Variants in NUDT19 observed in about 807,000 individuals in gnomAD.
NUDT19 encodes acyl-coenzyme A diphosphatase NUDT19.
In NUDT19, 31 loss-of-function variants were observed where a neutral mutation model predicts 22.2. The observed-to-expected ratio is 1.40, with a 90% CI of 1.05 to 1.89. The LOEUF is 1.89. NUDT19 is among the 40% of genes most tolerant of loss of function. The pLI is 0.00. For synonymous variants in NUDT19, 325 were observed against 230.8 expected (o/e 1.41, Z -3.70); for missense variants, 752 against 514.2 (o/e 1.46, Z -4.47).
At chr19:32,694,083 A>G in intron 1 of NUDT19, among the ~76,000 whole-genome samples, 1 of 152,180 alleles carries the variant, frequency 6.6e-6, no homozygotes, top group South Asian at 2.1e-4. Context: ...CTGTAGTTTG[A>G]TGGCCTTGAT....
chr19:32,708,667 G>A (rs769385341), intron 1 of NUDT19, among the ~76,000 whole-genome samples: 2 of 152,062 alleles, frequency 1.3e-5, no homozygotes, highest in African/African-American at 4.8e-5. Context: ...ATGCTTCACC[G>A]CCGTTGTACC....
chr19:32,700,093 G>A (rs187697997), intron 1 of NUDT19, among the ~76,000 whole-genome samples: 17 of 152,362 alleles, frequency 1.1e-4, no homozygotes, highest in Admixed American at 1.3e-4. Context: ...GATTTATTGC[G>A]AAGAGCAAAA....
At chr19:32,698,153 C>T (rs1968287420) in intron 1 of NUDT19, among the ~76,000 whole-genome samples, 1 of 152,114 alleles carries the variant, frequency 6.6e-6, no homozygotes, top group South Asian at 2.1e-4. Context: ...GAAAAGAAAA[C>T]TTAGACATAA....
chr19:32,705,675 C>T (rs1464102076), intron 1 of NUDT19, among the ~76,000 whole-genome samples: 1 of 151,464 alleles, frequency 6.6e-6, no homozygotes, highest in Non-Finnish European at 1.5e-5. Flanking sequence ...ACCTCCTCCT[C>T]CCTGGTTCAG....
Position 32,692,575 on chromosome 19 carries a change from G to C in NUDT19, c.615G>C (p.Leu205Phe), listed in dbSNP as rs772019106. ...HNWSAWLTPF[L>F]RGTTRRFDTA... ...GGAGCGCCTGGCTCACCCCTTTCTT[G>C]CGGGGCACCACTCGCCGCTTTGACA... The change falls in exon 1 of 3, where the codon TTG (leucine) becomes TTC (phenylalanine). Residue 205 changes from leucine (L) to phenylalanine (F), a missense_variant. Transcript: ENST00000397061. 1.3e-6 allele frequency: 2 copies of C among 1,595,044 alleles called. No homozygotes were observed. Among genetic ancestry groups the C allele is most frequent in the South Asian group, 2.2e-5 (2 of 88,928 alleles).
chr19:32,694,425 T>G (rs537397261), intron 1 of NUDT19, among the ~76,000 whole-genome samples: 13 of 152,338 alleles, frequency 8.5e-5, no homozygotes, highest in African/African-American at 2.9e-4. Context: ...GTAGTTACTA[T>G]CCTTACTGAA....
At chr19:32,700,415 G>T (rs545109812) in intron 1 of NUDT19, among the ~76,000 whole-genome samples, 1 of 152,254 alleles carries the variant, frequency 6.6e-6, no homozygotes, top group African/African-American at 2.4e-5. Context: ...GTGCTGATTG[G>T]TGCATTTTTA....
intron 1 of NUDT19, among the ~76,000 whole-genome samples, chr19:32,696,049 C>T (rs1298679586): frequency 6.6e-6 from 1 of 152,158 alleles, no homozygotes; most frequent in African/African-American, 2.4e-5. Context: ...AACGGGACTT[C>T]TAAGAGATCC....
chr19:32,692,395 T>G lies in NUDT19; in HGVS notation c.435T>G (p.Thr145=), dbSNP rs752507862. 20 of 1,578,734 alleles carry G rather than the reference T, an allele frequency of 1.3e-5. No homozygotes were observed. The East Asian group carries it at 4.7e-4, about 37-fold the overall frequency. Residue 145 remains threonine, a synonymous_variant, in exon 1 of 3, where the codon ACT becomes ACG. Transcript: ENST00000397061. The part of the protein sequence containing the change: ...EAGVLLLRPR[T]SPPGPAPGPG... Reference sequence around the variant, plus strand: ...GCGTGCTGCTGCTGCGGCCCAGGACTTCCCCACCAGGCCCAGCACCCGGGC... The same window carrying G: ...GCGTGCTGCTGCTGCGGCCCAGGACGTCCCCACCAGGCCCAGCACCCGGGC...
At position 32,701,156 on chromosome 19, in the gene NUDT19, T is replaced by TA. The variant is rs1289502109; in HGVS notation, c.715-8024dup. Reference sequence around the variant, plus strand: ...ATTCTGCTATTTGTTGGTATTTTGGTAAAAATGTAAAATTAGGTTGAGTTG... The same window carrying TA: ...ATTCTGCTATTTGTTGGTATTTTGGTAAAAAATGTAAAATTAGGTTGAGTTG... On this transcript the variant is annotated intron_variant, in intron 1 of 2. Transcript: ENST00000397061. Among the ~76,000 whole-genome samples the TA allele has an allele frequency of 4.0e-5, 6 of 150,792 alleles. No homozygotes were observed. In the East Asian group the frequency reaches 9.8e-4, roughly 25 times the overall value.
At chr19:32,696,620 A>C (rs1968266543) in intron 1 of NUDT19, among the ~76,000 whole-genome samples, 1 of 152,232 alleles carries the variant, frequency 6.6e-6, no homozygotes, top group African/African-American at 2.4e-5. Flanking sequence ...TAATAGCTCC[A>C]GCTTTGGCTA....
intron 1 of NUDT19, among the ~76,000 whole-genome samples, chr19:32,707,755 G>A (rs1356921066): frequency 1.3e-5 from 2 of 152,064 alleles, no homozygotes; most frequent in Non-Finnish European, 2.9e-5. Context: ...GAGGCGGGTG[G>A]ATCACAAAGT....
chr19:32,708,237 C>G (rs1018030917), intron 1 of NUDT19, among the ~76,000 whole-genome samples: 2 of 150,302 alleles, frequency 1.3e-5, no homozygotes, highest in African/African-American at 4.9e-5. Flanking sequence ...ACCATCCTGG[C>G]TAACACAGTG....
chr19:32,692,012 A>G lies in NUDT19; in HGVS notation c.52A>G (p.Ile18Val). The G allele has an allele frequency of 8.0e-7, 1 of 1,250,432 alleles. No individual in the cohort carries two copies. The highest frequency in any genetic ancestry group is 1.0e-6 in the Non-Finnish European group (1 of 1,001,484). The allele number at this position is 1,250,432 out of a possible 1,614,324, so 77.5% of individuals were successfully genotyped here. A position where few individuals can be genotyped will look rare whatever the true frequency, so the allele number is the denominator to read the frequency against. ...GPSRWRRAASIVLAAGWSRPE... is the reference protein window; with the variant it reads ...GPSRWRRAASVVLAAGWSRPE... ...CAGCCGCTGGCGGCGGGCGGCCAGC[A>G]TCGTCCTGGCGGCTGGCTGGTCGCG... Residue 18 changes from isoleucine (I) to valine (V), a missense_variant, in exon 1 of 3, where the codon ATC (isoleucine) becomes GTC (valine). Physicochemically the swap from Ile to Val is conservative, Grantham distance 29. Coordinates refer to ENST00000397061, the MANE Select transcript of NUDT19 (RefSeq NM_001105570.2).
At chr19:32,693,376 T>G (rs984819688) in intron 1 of NUDT19, among the ~76,000 whole-genome samples, 8 of 152,198 alleles carry the variant, frequency 5.3e-5, no homozygotes, top group Admixed American at 5.2e-4. Context: ...GGGTTTGTGG[T>G]CTCGCTGGCT....
At position 32,692,055 on chromosome 19, in the gene NUDT19, C is replaced by T. The variant is rs1206438212; in HGVS notation, c.95C>T (p.Pro32Leu). The T allele has an allele frequency of 1.9e-5, 24 of 1,291,108 alleles. 1 individual carries two copies. In the South Asian group the frequency reaches 5.5e-4, roughly 30 times the overall value. The allele number at this position is 1,291,108 out of a possible 1,614,324, so 80.0% of individuals were successfully genotyped here. ...AGWSRPETATPPSRPPPAEGF... is the reference protein window; with the variant it reads ...AGWSRPETATLPSRPPPAEGF... Reference sequence around the variant, plus strand: ...TGGTCGCGCCCGGAGACCGCCACCCCGCCGTCGCGCCCGCCGCCGGCCGAG... The same window carrying T: ...TGGTCGCGCCCGGAGACCGCCACCCTGCCGTCGCGCCCGCCGCCGGCCGAG... The change falls in exon 1 of 3, where the codon CCG becomes CTG. Residue 32 changes from proline to leucine, a missense_variant. By Grantham distance (98) the Pro-to-Leu change is moderately conservative (BLOSUM62 -3). Coordinates refer to ENST00000397061, the MANE Select transcript of NUDT19 (RefSeq NM_001105570.2).
At chr19:32,698,031 A>G (rs898476155) in intron 1 of NUDT19, among the ~76,000 whole-genome samples, 1 of 152,152 alleles carries the variant, frequency 6.6e-6, no homozygotes, top group Non-Finnish European at 1.5e-5. Flanking sequence ...GAGGAGGATT[A>G]TCATTAATAG....
At chr19:32,698,364 A>G (rs1968290179) in intron 1 of NUDT19, among the ~76,000 whole-genome samples, 1 of 152,148 alleles carries the variant, frequency 6.6e-6, no homozygotes, top group Non-Finnish European at 1.5e-5. Flanking sequence ...GATGCATTTC[A>G]AGGGTGAGCC....
In NUDT19 at chr19:32,691,914, C is replaced by G. The variant is rs540402948; in HGVS notation, c.-47C>G. 4 of 1,116,360 alleles carry G rather than the reference C, an allele frequency of 3.6e-6. No individual in the cohort carries two copies. The highest frequency in any genetic ancestry group is 4.5e-6 in the Non-Finnish European group (4 of 888,466). The allele number at this position is 1,116,360 out of a possible 1,614,324, so 69.2% of individuals were successfully genotyped here. A position where few individuals can be genotyped will look rare whatever the true frequency, so the allele number is the denominator to read the frequency against. On this transcript the variant is annotated 5_prime_UTR_variant, in exon 1 of 3. Transcript: ENST00000397061. ...GTCCCTGCAGGGCCGGGCCACCTGCCGTGGAGCTCAGGCCGCGCCAGAATC... is the reference window on the plus strand; with the variant it reads ...GTCCCTGCAGGGCCGGGCCACCTGCGGTGGAGCTCAGGCCGCGCCAGAATC...
Sources: allele counts gnomAD v4.1 joint callset (sites outside exome capture counted in the v4.1 genomes callset), GRCh38; gene constraint gnomAD v4.1.1; transcripts MANE v1.5; gene names NCBI Gene and HGNC (gene_info 2026-07-23, HGNC 2026-07-21).